Variants in LYSMD2 observed in about 807,000 individuals in gnomAD.
LYSMD2 encodes lysM and putative peptidoglycan-binding domain-containing protein 2.
A neutral mutation model predicts 17.7 loss-of-function variants in LYSMD2; 6 were observed. That is an observed-to-expected ratio of 0.34 (90% CI 0.19 to 0.67). The LOEUF (loss-of-function observed/expected upper bound fraction) is 0.67. Ranked by LOEUF, LYSMD2 falls within the 30% of genes least tolerant of loss-of-function variation. The pLI is 0.69. For synonymous variants in LYSMD2, 102 were observed against 129.8 expected (o/e 0.79, Z 1.45); for missense variants, 237 against 286.7 (o/e 0.83, Z 1.25).
chr15:51,742,595 C>G (rs1426007849), upstream of LYSMD2, among the ~76,000 whole-genome samples: 1 of 152,100 alleles, frequency 6.6e-6, no homozygotes, highest in African/African-American at 2.4e-5. Flanking sequence ...ATAATTGTTT[C>G]CCAGTCTGTG....
chr15:51,742,279 A>G (rs941178473), upstream of LYSMD2, among the ~76,000 whole-genome samples: 3 of 152,146 alleles, frequency 2.0e-5, no homozygotes, highest in Non-Finnish European at 4.4e-5. Context: ...ACGTCAGGTG[A>G]TCTACCCACC....
At chr15:51,747,017 T>TG (rs1322889244) in intron 1 of LYSMD2, among the ~76,000 whole-genome samples, 2 of 65,788 alleles carry the variant, frequency 3.0e-5, no homozygotes, top group Non-Finnish European at 5.8e-5. Flanking sequence ...CTGTCTCTAC[T>TG]AAAAAAAAAA....
chr15:51,733,784 C>T (rs2055591640), intron 1 of LYSMD2, among the ~76,000 whole-genome samples: 1 of 152,188 alleles, frequency 6.6e-6, no homozygotes, highest in Admixed American at 6.5e-5. Context: ...GCCCATGAAG[C>T]TAGCCCTGTA....
At chr15:51,726,246 G>C (rs573080622) in intron 1 of LYSMD2, among the ~76,000 whole-genome samples, 1 of 152,312 alleles carries the variant, frequency 6.6e-6, no homozygotes, top group East Asian at 1.9e-4. Context: ...GTGCCTTTTA[G>C]AGACAAAATT....
intron 1 of LYSMD2, among the ~76,000 whole-genome samples, chr15:51,749,147 C>A (rs775065220): frequency 6.6e-6 from 1 of 152,172 alleles, no homozygotes; most frequent in Non-Finnish European, 1.5e-5. Flanking sequence ...AAGATATGGT[C>A]CAGAAATGAT....
intron 1 of LYSMD2, among the ~76,000 whole-genome samples, chr15:51,726,444 C>G (rs1210129050): frequency 6.6e-6 from 1 of 152,220 alleles, no homozygotes; most frequent in Non-Finnish European, 1.5e-5. Flanking sequence ...ACACTAAGCC[C>G]TCCCCTGGCT....
At chr15:51,727,587 C>T (rs2055548284) in intron 1 of LYSMD2, among the ~76,000 whole-genome samples, 1 of 152,214 alleles carries the variant, frequency 6.6e-6, no homozygotes, top group African/African-American at 2.4e-5. Context: ...ACAGATACAT[C>T]TATCATACAG....
At chr15:51,750,271 A>G (rs1349906566) in intron 1 of LYSMD2, among the ~76,000 whole-genome samples, 2 of 152,250 alleles carry the variant, frequency 1.3e-5, no homozygotes, top group Non-Finnish European at 2.9e-5. Context: ...AAATGAGAAC[A>G]CAAATAGGAA....
At chr15:51,728,071 G>A (rs7165594) in intron 1 of LYSMD2, among the ~76,000 whole-genome samples, 6,507 of 152,222 alleles carry the variant, frequency 0.043, 174 homozygotes, top group African/African-American at 0.05. Flanking sequence ...TATCAGTAAA[G>A]TAAGGATAGT....
At chr15:51,743,079 T>C (rs2055651234) in intron 1 of LYSMD2, among the ~76,000 whole-genome samples, 2 of 152,244 alleles carry the variant, frequency 1.3e-5, no homozygotes, top group South Asian at 4.1e-4. Flanking sequence ...TTCTATGTTA[T>C]TTTCTGGAAG....
intron 1 of LYSMD2, among the ~76,000 whole-genome samples, chr15:51,734,443 C>A (rs1311029600): frequency 6.6e-6 from 1 of 152,180 alleles, no homozygotes; most frequent in African/African-American, 2.4e-5. Context: ...AACCAGGTCT[C>A]CATCTTCACC....
At chr15:51,737,896 C>T (rs568223910), upstream of LYSMD2, 246 of 248,384 alleles carry the variant, frequency 9.9e-4, no homozygotes, top group Non-Finnish European at 1.4e-3. This position sits in a 1 kb window ranked among gnomAD's most constrained non-coding sequence, Gnocchi z 4.2. Flanking sequence ...CCGGGAAGAC[C>T]CTGCAGAGCG....
intron 1 of LYSMD2, among the ~76,000 whole-genome samples, chr15:51,744,871 C>A (rs1407632392): frequency 6.6e-6 from 1 of 151,750 alleles, no homozygotes; most frequent in Non-Finnish European, 1.5e-5. Context: ...AAACCTTTAC[C>A]TAGTCTGACC....
chr15:51,726,318 A>C (rs2055539806), intron 1 of LYSMD2, among the ~76,000 whole-genome samples: 1 of 152,238 alleles, frequency 6.6e-6, no homozygotes, highest in Non-Finnish European at 1.5e-5. Flanking sequence ...AATAACTTGG[A>C]CACTTTGCCC....
intron 1 of LYSMD2, among the ~76,000 whole-genome samples, chr15:51,746,004 G>C (rs919069792): frequency 6.6e-6 from 1 of 152,208 alleles, no homozygotes; most frequent in Non-Finnish European, 1.5e-5. Context: ...TTGCTGGTTA[G>C]AATGTAAAAT....
intron 1 of LYSMD2, among the ~76,000 whole-genome samples, chr15:51,746,938 G>A (rs374805729): frequency 3.7e-4 from 55 of 147,158 alleles, no homozygotes; most frequent in Non-Finnish European, 5.0e-4. Flanking sequence ...CCAACACTTC[G>A]AGAAGCCAAG....
intron 1 of LYSMD2, among the ~76,000 whole-genome samples, chr15:51,749,160 T>C (rs1386137068): frequency 6.6e-6 from 1 of 152,246 alleles, no homozygotes; most frequent in Non-Finnish European, 1.5e-5. Flanking sequence ...GAAATGATCA[T>C]GGGTTTCAAC....
At chr15:51,729,993 G>T (rs2055566381) in intron 1 of LYSMD2, among the ~76,000 whole-genome samples, 1 of 152,236 alleles carries the variant, frequency 6.6e-6, no homozygotes, top group Non-Finnish European at 1.5e-5. Context: ...AGGGATGGAT[G>T]AATGGGAGTG....
chr15:51,743,634 T>C (rs1451096444), intron 1 of LYSMD2, among the ~76,000 whole-genome samples: 1 of 152,250 alleles, frequency 6.6e-6, no homozygotes, highest in Middle Eastern at 3.2e-3. Context: ...AACTTTGGAA[T>C]CAATTTGTCA....
Sources: allele counts gnomAD v4.1 joint callset (sites outside exome capture counted in the v4.1 genomes callset), GRCh38; gene constraint gnomAD v4.1.1; non-coding constraint Gnocchi (gnomAD v3.1); transcripts MANE v1.5; gene names NCBI Gene and HGNC (gene_info 2026-07-23, HGNC 2026-07-21).